The following PFKL variants were observed in gnomAD, a reference collection of about 807,000 sequenced individuals.
The protein encoded by PFKL is phosphofructokinase, liver type.
Under a neutral mutation model 92.1 loss-of-function variants are expected in PFKL, and 74 were observed. The observed-to-expected ratio is 0.80, with a 90% confidence interval of 0.67 to 0.97. PFKL has a LOEUF of 0.97. Ranked by LOEUF, PFKL falls within the 50% of genes least tolerant of loss-of-function variation. The pLI, the probability that PFKL is intolerant of heterozygous loss-of-function variation, is 0.00. For synonymous variants in PFKL, 494 were observed against 456.4 expected, an observed-to-expected ratio of 1.08 and a Z score of -1.05; for missense variants, 1,028 against 1,116.6, an observed-to-expected ratio of 0.92 and a Z score of 1.13.
In PFKL at chr21:44,306,619, G is replaced by GC. The variant is rs2040953587; in HGVS notation, c.86-62_86-61insC. ...CCCTACCCCCTGTCCTCTGAGATGG[G>GC]GAGGGTGTCCAGGGCCTTGCTTCTC... is the stretch of plus-strand genomic sequence containing the variant. On this transcript the variant is annotated intron_variant, in intron 1 of 21. Transcript: ENST00000349048. 4.1e-6 allele frequency: 6 copies of GC among 1,459,632 alleles called. No homozygotes were observed. The South Asian group carries it at 7.1e-5, about 17-fold the overall frequency. 90.4% of individuals were successfully genotyped at this position (1,459,632 alleles called of 1,614,324 possible).
chr21:44,326,254 A>G lies in PFKL; in HGVS notation c.2185A>G (p.Thr729Ala). The G allele has an allele frequency of 6.2e-7, 1 of 1,609,864 alleles. No homozygotes were observed. Among genetic ancestry groups the G allele is most frequent in the Non-Finnish European group, 8.5e-7 (1 of 1,177,394 alleles). The part of the protein sequence containing the change: ...FSPVTELKKD[T>A]DFEHRMPREQ... ...CCCCGTCACTGAGCTCAAGAAAGAC[A>G]CTGATTTCGAGTGAGTTCCACCAAA... Residue 729 changes from threonine to alanine, a missense_variant, in exon 21 of 22, where the codon ACT becomes GCT. Transcript: ENST00000349048.
intron 18 of PFKL, 60 bp from the exon 19 acceptor site, chr21:44,325,093 C>G: frequency 7.5e-7 from 1 of 1,330,248 alleles, no homozygotes; most frequent in Non-Finnish European, 1.1e-6. Context: ...AGCGGGGACT[C>G]AGGATCGGGG....
chr21:44,312,376 G>T lies in PFKL; in HGVS notation c.427+82G>T, dbSNP rs1657383446. The T allele has an allele frequency of 2.3e-6, 3 of 1,303,436 alleles. No individual in the cohort carries two copies. The South Asian group carries it at 4.4e-5, about 19-fold the overall frequency. 80.7% of individuals were successfully genotyped at this position (1,303,436 alleles called of 1,614,324 possible). A position where few individuals can be genotyped will look rare whatever the true frequency, so the allele number is the denominator to read the frequency against. ...AGGCGTGGGAATGGGCAGGACAGAG[G>T]GACGAGGGATCCCTGGGTGCCCCGA... On this transcript the variant is annotated intron_variant, in intron 4 of 21. Transcript: ENST00000349048.
In PFKL at chr21:44,326,759, T is replaced by G; in HGVS notation, c.2240T>G (p.Met747Arg). 1.2e-6 allele frequency: 2 copies of G among 1,611,382 alleles called. No individual in the cohort carries two copies. Among genetic ancestry groups the G allele is most frequent in the Non-Finnish European group, 8.5e-7 (1 of 1,179,374 alleles). ...REQWWLSLRL[M>R]LKMLAQYRIS... Reference sequence around the variant, plus strand: ...CAGTGGTGGCTGAGCCTGCGGCTCATGCTGAAGATGCTGGCACAATACCGC... The same window carrying G: ...CAGTGGTGGCTGAGCCTGCGGCTCAGGCTGAAGATGCTGGCACAATACCGC... The change falls in exon 22 of 22, where the codon ATG becomes AGG. Residue 747 changes from methionine (M) to arginine (R), a missense_variant. By Grantham distance (91) the Met-to-Arg change is moderately conservative (BLOSUM62 -1). Coordinates refer to ENST00000349048, the MANE Select transcript of PFKL (RefSeq NM_002626.6).
intron 7 of PFKL, chr21:44,315,964 C>T (rs932900663): frequency 2.1e-6 from 1 of 477,622 alleles, no homozygotes; most frequent in Non-Finnish European, 3.9e-6. Context: ...GTGTGCTGGG[C>T]CCAGCCCCGA....
In PFKL at chr21:44,324,605, G is replaced by A; in HGVS notation, c.1765G>A (p.Ala589Thr). Residue 589 changes from alanine (A) to threonine (T), a missense_variant, in exon 17 of 22, where the codon GCC becomes ACC. Ala to Thr is a moderately conservative substitution (Grantham distance 58). Transcript: ENST00000349048. ...LATVTGIAVG[A>T]DAAYVFEDPF... ...CACCGTGACTGGCATTGCTGTGGGG[G>A]CCGACGCCGCCTACGTCTTCGAGGA... 2 of 1,611,730 alleles carry A rather than the reference G, an allele frequency of 1.2e-6. No individual in the cohort carries two copies. The highest frequency in any genetic ancestry group is 1.7e-5 in the Admixed American group (1 of 59,836).
intron 17 of PFKL, 30 bp from the exon 18 acceptor site, chr21:44,324,826 C>T: frequency 1.2e-6 from 2 of 1,600,030 alleles, no homozygotes; most frequent in East Asian, 2.3e-5. Context: ...CCACAGTCCT[C>T]CGGCTCATCC....
intron 2 of PFKL, 54 bp downstream of exon 2, chr21:44,306,808 A>G (rs1480767343): frequency 2.7e-6 from 4 of 1,502,604 alleles, no homozygotes; most frequent in Non-Finnish European, 2.8e-6. Context: ...CCTGAGGCGC[A>G]TGCCGAGGTG....
intron 9 of PFKL, among the ~76,000 whole-genome samples, chr21:44,317,088 G>A (rs967467279): frequency 2.6e-5 from 4 of 152,226 alleles, no homozygotes; most frequent in African/African-American, 4.8e-5. Flanking sequence ...CCTGATCACC[G>A]CTGGGTCTCA....
Position 44,326,859 on chromosome 21 carries a change from C to T in PFKL, c.2340C>T (p.Phe780=), listed in dbSNP as rs2047530132. ...TRRTLSMDKG[F] ...GCACCCTGAGCATGGACAAGGGCTTCTGAGGCCAGCCATGCCCACGCCCCT... is the reference window on the plus strand; with the variant it reads ...GCACCCTGAGCATGGACAAGGGCTTTTGAGGCCAGCCATGCCCACGCCCCT... Residue 780 remains phenylalanine, a synonymous_variant, in exon 22 of 22, where the codon TTC becomes TTT. Coordinates refer to ENST00000349048, the MANE Select transcript of PFKL (RefSeq NM_002626.6). 2 of 1,606,864 alleles carry T rather than the reference C, an allele frequency of 1.2e-6. No individual in the cohort carries two copies.
chr21:44,323,981 C>CGGA (rs2047428220), intron 16 of PFKL, 63 bp downstream of exon 16: 3 of 1,589,128 alleles, frequency 1.9e-6, no homozygotes, highest in Non-Finnish European at 1.7e-6. Flanking sequence ...GCTGAGCCTA[C>CGGA]GGAGGCTGCT....
At chr21:44,324,693 G>A (rs746847110) in intron 17 of PFKL, 38 bp downstream of exon 17, 52 of 1,563,550 alleles carry the variant, frequency 3.3e-5, no homozygotes, top group East Asian at 2.5e-4. Flanking sequence ...CAGACCTGCC[G>A]GCATGCCAGC....
chr21:44,308,544 T>C lies in PFKL; in HGVS notation c.159+1790T>C, dbSNP rs150947529. On this transcript the variant is annotated intron_variant, in intron 2 of 21. Coordinates refer to ENST00000349048, the MANE Select transcript of PFKL (RefSeq NM_002626.6). Reference sequence around the variant, plus strand: ...AAGGGGCATGGGCAGCCTGGATGATTCTAGGGGGGTAGGAATTTTTTTTTT... The same window carrying C: ...AAGGGGCATGGGCAGCCTGGATGATCCTAGGGGGGTAGGAATTTTTTTTTT... 5.7e-3 allele frequency among the ~76,000 whole-genome samples: 861 copies of C among 150,138 alleles called. 3 individuals carry two copies. The highest frequency in any genetic ancestry group is 9.7e-3 in the Non-Finnish European group (657 of 67,726).
chr21:44,319,303 G>C (rs745306751), intron 10 of PFKL, 48 bp from the exon 11 acceptor site: 1 of 1,520,992 alleles, frequency 6.6e-7, no homozygotes, highest in Non-Finnish European at 9.1e-7. Context: ...AGCCATGGGT[G>C]TGCGGGCCAG....
chr21:44,313,598 G>A, intron 5 of PFKL, 40 bp from the exon 6 acceptor site: 1 of 1,594,592 alleles, frequency 6.3e-7, no homozygotes, highest in Admixed American at 1.7e-5. Flanking sequence ...GCAGGGCCGT[G>A]TGGCTGGCAC....
At chr21:44,308,636 G>A (rs1014994882) in intron 2 of PFKL, among the ~76,000 whole-genome samples, 85 of 147,818 alleles carry the variant, frequency 5.8e-4, no homozygotes, top group Non-Finnish European at 3.1e-4. Context: ...ATCTTGGCTC[G>A]CTGCAACCTC....
At chr21:44,305,024 G>A (rs144958733) in intron 1 of PFKL, among the ~76,000 whole-genome samples, 127 of 152,224 alleles carry the variant, frequency 8.3e-4, no homozygotes, top group African/African-American at 2.9e-3. Flanking sequence ...GATGGCTGCC[G>A]GGCTTGGCTC....
Position 44,300,089 on chromosome 21 carries a change from G to A in PFKL, c.-17G>A. ...GGCGGCGGGAGTGCGAGCTGGGCCC[G>A]TGTTTCGGCCGCCGCCATGGCCGCG... On this transcript the variant is annotated 5_prime_UTR_variant, in exon 1 of 22. It adds an upstream start codon to the 5' untranslated region. Transcript: ENST00000349048. The A allele has an allele frequency of 1.8e-6, 2 of 1,119,806 alleles. No individual in the cohort carries two copies. The highest frequency in any genetic ancestry group is 2.2e-6 in the Non-Finnish European group (2 of 906,332). The allele number at this position is 1,119,806 out of a possible 1,614,324, so 69.4% of individuals were successfully genotyped here.
At chr21:44,308,393 T>A (rs1469251672) in intron 2 of PFKL, among the ~76,000 whole-genome samples, 1 of 152,038 alleles carries the variant, frequency 6.6e-6, no homozygotes, top group Non-Finnish European at 1.5e-5. Context: ...TTCCCCTCCG[T>A]CCCATGAAGG....
Sources: gnomAD v4.1 joint callset for allele counts (sites outside exome capture counted in the v4.1 genomes callset) on GRCh38, gnomAD v4.1.1 for gene constraint, MANE v1.5 for transcripts, NCBI Gene and HGNC (gene_info 2026-07-23, HGNC 2026-07-21) for gene names.